The following ZNF486 variants were observed in gnomAD, a reference collection of about 807,000 sequenced individuals.
ZNF486 encodes the protein KRAB box only protein 2.
A neutral mutation model predicts 12.8 loss-of-function variants in ZNF486; 12 were observed. That is an observed-to-expected ratio of 0.94 (90% CI 0.60 to 1.52). ZNF486 has a LOEUF of 1.52. Among genes scored for constraint, ZNF486 ranks in the 40% most tolerant of loss-of-function variants. ZNF486 has a pLI of 0.00. For synonymous variants in ZNF486, 231 were observed against 184.9 expected, an observed-to-expected ratio of 1.25 and a Z score of -2.02; for missense variants, 738 against 545.0, an observed-to-expected ratio of 1.35 and a Z score of -3.53.
intron 1 of ZNF486, among the ~76,000 whole-genome samples, chr19:20,178,172 C>T (rs1185965998): frequency 1.3e-5 from 2 of 152,012 alleles, no homozygotes; most frequent in South Asian, 2.1e-4. Context: ...AGGTGATCCA[C>T]CCGCCTAGGC....
In ZNF486 at chr19:20,176,169, G is replaced by A. The variant is rs1324953391; in HGVS notation, c.31-8187G>A. On this transcript the variant is annotated intron_variant, in intron 1 of 3. Coordinates refer to ENST00000335117, the MANE Select transcript of ZNF486 (RefSeq NM_052852.4). ...GACGGGGTCGCGGCTGGGCAGAGGC[G>A]CTCCTCATATCCCAGACGGGGCAGC... The A allele has an allele frequency of 8.8e-5, 13 of 147,948 alleles. 1 individual carries two copies. The highest frequency in any genetic ancestry group is 3.8e-4 in the African/African-American group (10 of 26,460). 9.2% of individuals were successfully genotyped at this position (147,948 alleles called of 1,614,324 possible).
intron 1 of ZNF486, among the ~76,000 whole-genome samples, chr19:20,170,762 T>G (rs2089639896): frequency 6.6e-6 from 1 of 152,188 alleles, no homozygotes; most frequent in Admixed American, 6.5e-5. Context: ...ATGGAGAATT[T>G]TATTAATCAC....
rs781996144 is a variant in ZNF486, at chr19:20,167,354, AGAAATGGT to A, written c.27_30+4del. On this transcript the variant is annotated splice_donor_variant and coding_sequence_variant, in exon 1 of 4. Transcript: ENST00000335117. LOFTEE classifies it high-confidence loss of function. ...AGATGCCGGGACCCCTTAGAAGCCTAGAAATGGTGAGAGTGCCCATTGGACATCCTGAG... is the reference window on the plus strand; with the variant it reads ...AGATGCCGGGACCCCTTAGAAGCCTAGAGAGTGCCCATTGGACATCCTGAG... 1 of 1,613,784 alleles carries A rather than the reference AGAAATGGT, an allele frequency of 6.2e-7. No homozygotes were observed. The highest frequency in any genetic ancestry group is 1.1e-5 in the South Asian group (1 of 91,052).
At chr19:20,177,999 C>T (rs2089741544) in intron 1 of ZNF486, among the ~76,000 whole-genome samples, 1 of 151,234 alleles carries the variant, frequency 6.6e-6, no homozygotes, top group Non-Finnish European at 1.5e-5. Context: ...ACTTGGCTCG[C>T]TGCAACCTCT....
chr19:20,180,429 C>CT (rs1851970946), intron 1 of ZNF486, among the ~76,000 whole-genome samples: 1 of 152,124 alleles, frequency 6.6e-6, no homozygotes, highest in East Asian at 1.9e-4. Context: ...AGACCAGCAA[C>CT]TGGATAAATA....
chr19:20,180,702 T>A (rs574243685), intron 1 of ZNF486, among the ~76,000 whole-genome samples: 4 of 152,332 alleles, frequency 2.6e-5, no homozygotes, highest in African/African-American at 7.2e-5. Context: ...GCCTCCAAAG[T>A]AGCTGGGATT....
chr19:20,198,103 C>T lies in ZNF486; in HGVS notation c.*1C>T, dbSNP rs782647320. ...TATTGGACAGAAACCAAGAACGTGACAAAGGATTATTTTATTATTATTATT... is the reference window on the plus strand; with the variant it reads ...TATTGGACAGAAACCAAGAACGTGATAAAGGATTATTTTATTATTATTATT... On this transcript the variant is annotated 3_prime_UTR_variant, in exon 4 of 4. Transcript: ENST00000335117. 7 of 1,556,452 alleles carry T rather than the reference C, an allele frequency of 4.5e-6. No individual in the cohort carries two copies. In the African/African-American group the frequency reaches 8.3e-5, roughly 18 times the overall value.
intron 3 of ZNF486, among the ~76,000 whole-genome samples, chr19:20,196,472 C>T (rs187449626): frequency 1.0e-3 from 157 of 152,184 alleles, no homozygotes; most frequent in East Asian, 4.1e-3. Flanking sequence ...GGAATTACAG[C>T]GGCCCATGAC....
chr19:20,180,280 C>A (rs2089770261), intron 1 of ZNF486, among the ~76,000 whole-genome samples: 1 of 152,144 alleles, frequency 6.6e-6, no homozygotes, highest in African/African-American at 2.4e-5. Flanking sequence ...AGAGTTTCTC[C>A]AGTTTCCTGG....
intron 3 of ZNF486, chr19:20,188,539 C>T (rs111480367): frequency 2.5e-5 from 10 of 398,020 alleles, no homozygotes; most frequent in African/African-American, 8.2e-5. Context: ...TTAATAATTG[C>T]CAGGCATGGT....
intron 3 of ZNF486, among the ~76,000 whole-genome samples, chr19:20,196,126 C>A (rs1028812252): frequency 1.3e-5 from 2 of 152,158 alleles, no homozygotes; most frequent in Admixed American, 6.5e-5. Context: ...TGAAGCAATT[C>A]TCCTGCCTCA....
chr19:20,190,105 T>C (rs1454869803), intron 3 of ZNF486, among the ~76,000 whole-genome samples: 1 of 152,210 alleles, frequency 6.6e-6, no homozygotes, highest in African/African-American at 2.4e-5. Flanking sequence ...GACCATTTGA[T>C]CATATATAGA....
intron 1 of ZNF486, among the ~76,000 whole-genome samples, chr19:20,172,404 T>C (rs2089658294): frequency 6.6e-6 from 1 of 152,116 alleles, no homozygotes; most frequent in Non-Finnish European, 1.5e-5. Context: ...CTTCGAGTGA[T>C]TCTCCTGCCT....
In ZNF486 at chr19:20,197,402, C is replaced by G; in HGVS notation, c.692C>G (p.Thr231Ser). Residue 231 changes from threonine to serine, a missense_variant, in exon 4 of 4, where the codon ACT (threonine) becomes AGT (serine). Thr to Ser is a moderately conservative substitution (Grantham distance 58). Coordinates refer to ENST00000335117, the MANE Select transcript of ZNF486 (RefSeq NM_052852.4). ...RSSHLTTHKI[T>S]HTREKPYKCE... ...TCACACCTTACTACACATAAGATAA[C>G]TCATACTAGAGAGAAACCCTACAAA... 1 of 1,610,956 alleles carries G rather than the reference C, an allele frequency of 6.2e-7. No homozygotes were observed. The highest frequency in any genetic ancestry group is 8.5e-7 in the Non-Finnish European group (1 of 1,178,694).
intron 3 of ZNF486, among the ~76,000 whole-genome samples, chr19:20,189,214 G>A (rs1263260371): frequency 6.6e-6 from 1 of 152,044 alleles, no homozygotes; most frequent in Non-Finnish European, 1.5e-5. Flanking sequence ...TGTGATTACA[G>A]GTGCCCACCA....
At chr19:20,191,521 G>A (rs1458299143) in intron 3 of ZNF486, among the ~76,000 whole-genome samples, 2 of 150,560 alleles carry the variant, frequency 1.3e-5, no homozygotes, top group East Asian at 2.0e-4. Context: ...TGTAATCCCA[G>A]CATTTTGGGA....
chr19:20,187,500 G>GTTTTTT (rs57208523), intron 3 of ZNF486, among the ~76,000 whole-genome samples: 4 of 119,662 alleles, frequency 3.3e-5, no homozygotes, highest in African/African-American at 6.7e-5. Context: ...ACCTCTTCAA[G>GTTTTTT]TTTTTTTTTT....
chr19:20,173,190 A>G (rs1212171527), intron 1 of ZNF486, among the ~76,000 whole-genome samples: 1 of 152,034 alleles, frequency 6.6e-6, no homozygotes, highest in Non-Finnish European at 1.5e-5. Flanking sequence ...GGTTTCTCAT[A>G]ATTTTGTTTT....
chr19:20,198,178 A>G lies in ZNF486; in HGVS notation c.*76A>G. The G allele has an allele frequency of 1.4e-6, 2 of 1,387,102 alleles. No individual in the cohort carries two copies. Among genetic ancestry groups the G allele is most frequent in the South Asian group, 1.5e-5 (1 of 65,606 alleles). 85.9% of individuals were successfully genotyped at this position (1,387,102 alleles called of 1,614,324 possible). On this transcript the variant is annotated 3_prime_UTR_variant, in exon 4 of 4. Coordinates refer to ENST00000335117, the MANE Select transcript of ZNF486 (RefSeq NM_052852.4). ...GTTTCCCAGGCTGGAGTGCAATGGC[A>G]TAATTTTGGCTCACCACAACCTCCA...
Sources: gnomAD v4.1 joint callset for allele counts (sites outside exome capture counted in the v4.1 genomes callset) on GRCh38, gnomAD v4.1.1 for gene constraint, MANE v1.5 for transcripts, NCBI Gene and HGNC (gene_info 2026-07-23, HGNC 2026-07-21) for gene names.